Variants in ANKRD36B observed in about 807,000 individuals in gnomAD.
ANKRD36B encodes ankyrin repeat domain-containing protein 36B.
A neutral mutation model predicts 135.7 loss-of-function variants in ANKRD36B; 37 were observed. That is an observed-to-expected ratio of 0.27 (90% CI 0.21 to 0.36). ANKRD36B has a LOEUF of 0.36. Ranked by LOEUF, ANKRD36B falls within the 10% of genes least tolerant of loss-of-function variation. ANKRD36B has a pLI of 1.00. For synonymous variants in ANKRD36B, 179 were observed against 348.1 expected (o/e 0.51, Z 5.41); for missense variants, 549 against 1,037.1 (o/e 0.53, Z 6.46).
intron 10 of ANKRD36B, among the ~76,000 whole-genome samples, chr2:97,558,115 A>G (rs1435380453): frequency 6.6e-6 from 1 of 151,988 alleles, no homozygotes; most frequent in African/African-American, 2.4e-5. Flanking sequence ...TTGAATAACT[A>G]ATATCAACAA....
chr2:97,550,554 T>C (rs11674250), intron 18 of ANKRD36B, among the ~76,000 whole-genome samples: 84,467 of 150,694 alleles, frequency 0.56, 25,129 homozygotes, highest in Non-Finnish European at 0.67. Flanking sequence ...AGGAAGCCAA[T>C]GTGTTCATAT....
intron 32 of ANKRD36B, among the ~76,000 whole-genome samples, chr2:97,537,610 T>C (rs562951663): frequency 1.0e-5 from 1 of 96,560 alleles, no homozygotes; most frequent in African/African-American, 3.1e-5. Context: ...TCTAAATGCA[T>C]GTGAAGTGAG....
intron 10 of ANKRD36B, 124 bp downstream of exon 10, chr2:97,558,675 G>A (rs11692849): frequency 0.47 from 456,634 of 964,908 alleles, 121,386 homozygotes; most frequent in Non-Finnish European, 0.55. Flanking sequence ...TGAGAACTGA[G>A]GAATCTCAGG....
rs766718701 is a variant in ANKRD36B at position 97,558,985 on chromosome 2, T to G, written c.875A>C (p.Gln292Pro). ...AATTACCTTCTCAGCTGGTTGTTTC[T>G]GAGAAGACACTGAAAAGCAAAAGGG... ...EGPISGTVSS[Q>P]KQPAEKATSD... Residue 292 changes from glutamine to proline, a missense_variant, in exon 9 of 44, where the codon CAG becomes CCG. Transcript: ENST00000359901. The G allele has an allele frequency of 5.0e-6, 8 of 1,603,500 alleles. No homozygotes were observed. In the African/African-American group the frequency reaches 1.1e-4, roughly 21 times the overall value.
At chr2:97,566,577 G>C (rs948643072) in intron 6 of ANKRD36B, among the ~76,000 whole-genome samples, 1 of 151,976 alleles carries the variant, frequency 6.6e-6, no homozygotes, top group Non-Finnish European at 1.5e-5. Flanking sequence ...TCAAAATTTG[G>C]TTTATCTTAC....
At position 97,533,180 on chromosome 2, in the gene ANKRD36B, C is replaced by G. The variant is rs1355119714; in HGVS notation, c.2192-796G>C. On this transcript the variant is annotated intron_variant, in intron 34 of 43. Transcript: ENST00000359901. ...GACAGATTTCTTTCATAATTTAAGA[C>G]TCAGACAGCTATGTGAAGTCTTCCT... 3.1e-5 allele frequency among the ~76,000 whole-genome samples: 3 copies of G among 96,978 alleles called. 1 individual carries two copies. Among genetic ancestry groups the G allele is most frequent in the African/African-American group, 9.3e-5 (3 of 32,372 alleles). The allele number at this position is 96,978 out of a possible 152,430, so 63.6% of individuals were successfully genotyped here. A position where few individuals can be genotyped will look rare whatever the true frequency, so the allele number is the denominator to read the frequency against.
intron 3 of ANKRD36B, among the ~76,000 whole-genome samples, chr2:97,583,212 T>C (rs1482990088): frequency 8.8e-6 from 1 of 114,140 alleles, no homozygotes; most frequent in Admixed American, 1.0e-4. Context: ...TTTTTGCTAT[T>C]GTAATTGAGA....
rs1250373855 is a variant in ANKRD36B, at chr2:97,535,856, G to A, written c.2191+444C>T. Among the ~76,000 whole-genome samples the A allele has an allele frequency of 3.2e-5, 3 of 93,078 alleles. No individual in the cohort carries two copies. In the South Asian group the frequency reaches 7.3e-4, roughly 23 times the overall value. The allele number at this position is 93,078 out of a possible 152,430, so 61.1% of individuals were successfully genotyped here. On this transcript the variant is annotated intron_variant, in intron 34 of 43. Coordinates refer to ENST00000359901, the MANE Select transcript of ANKRD36B (RefSeq NM_001393939.1). Reference sequence around the variant, plus strand: ...CGAGGCGGGAGGATCACCTGAGGTCGAGAGCTCAAGACCAGCCTGACCAAC... The same window carrying A: ...CGAGGCGGGAGGATCACCTGAGGTCAAGAGCTCAAGACCAGCCTGACCAAC...
intron 6 of ANKRD36B, among the ~76,000 whole-genome samples, chr2:97,568,169 G>C (rs1276358647): frequency 6.6e-6 from 1 of 151,600 alleles, no homozygotes; most frequent in African/African-American, 2.4e-5. Context: ...AAAAATTATT[G>C]TACACATAGA....
intron 10 of ANKRD36B, 38 bp from the exon 11 acceptor site, chr2:97,557,170 A>T (rs199768812): frequency 9.8e-5 from 146 of 1,497,098 alleles, no homozygotes; most frequent in Non-Finnish European, 1.2e-4. Flanking sequence ...ATCATATGTA[A>T]ATATGACAAA....
At position 97,533,679 on chromosome 2, in the gene ANKRD36B, G is replaced by A. The variant is rs2104472860; in HGVS notation, c.2192-1295C>T. 2.1e-5 allele frequency among the ~76,000 whole-genome samples: 2 copies of A among 94,076 alleles called. 1 individual carries two copies. Among genetic ancestry groups the A allele is most frequent in the South Asian group, 4.9e-4 (2 of 4,112 alleles). The allele number at this position is 94,076 out of a possible 152,430, so 61.7% of individuals were successfully genotyped here. On this transcript the variant is annotated intron_variant, in intron 34 of 43. Coordinates refer to ENST00000359901, the MANE Select transcript of ANKRD36B (RefSeq NM_001393939.1). ...TCATTCCTAGGTAGGCTACTGCTAT[G>A]TCTACATTGCTTGTATCCTGCAGTT...
intron 6 of ANKRD36B, among the ~76,000 whole-genome samples, chr2:97,562,125 C>T (rs1407255755): frequency 6.6e-6 from 1 of 151,806 alleles, no homozygotes; most frequent in Non-Finnish European, 1.5e-5. Context: ...TCCACTTTTG[C>T]AAAAACATAC....
chr2:97,587,241 T>C (rs1409893287), intron 1 of ANKRD36B, among the ~76,000 whole-genome samples: 2 of 152,146 alleles, frequency 1.3e-5, no homozygotes, highest in Non-Finnish European at 2.9e-5. Flanking sequence ...CTTTGCAAGA[T>C]TTATATTTCT....
intron 3 of ANKRD36B, among the ~76,000 whole-genome samples, chr2:97,582,533 T>C (rs553486972): frequency 2.6e-5 from 4 of 152,004 alleles, no homozygotes; most frequent in Non-Finnish European, 5.9e-5. Flanking sequence ...AAACCTGAGA[T>C]AGGCTCAAGG....
chr2:97,580,335 C>T (rs1366714151), intron 4 of ANKRD36B, 127 bp downstream of exon 4: 3 of 793,072 alleles, frequency 3.8e-6, no homozygotes, highest in Non-Finnish European at 5.7e-6. Context: ...GTTGATATTT[C>T]TCACTATATC....
intron 18 of ANKRD36B, among the ~76,000 whole-genome samples, chr2:97,550,871 T>A (rs1009274092): frequency 1.3e-5 from 2 of 151,910 alleles, no homozygotes; most frequent in African/African-American, 4.8e-5. Flanking sequence ...ATCAGGGGTC[T>A]CCTCAGTTCT....
intron 16 of ANKRD36B, among the ~76,000 whole-genome samples, 162 bp downstream of exon 16, chr2:97,553,006 C>G (rs1181633011): frequency 6.6e-6 from 1 of 151,840 alleles, no homozygotes; most frequent in Non-Finnish European, 1.5e-5. Flanking sequence ...GCAGCATTAG[C>G]GTCACCCAAT....
rs1345316425 is a variant in ANKRD36B, at chr2:97,527,889, C to A, written c.2265+4422G>T. Among the ~76,000 whole-genome samples the A allele has an allele frequency of 2.1e-5, 2 of 95,702 alleles. 1 individual carries two copies. Among genetic ancestry groups the A allele is most frequent in the Admixed American group, 1.8e-4 (2 of 10,818 alleles). The allele number at this position is 95,702 out of a possible 152,430, so 62.8% of individuals were successfully genotyped here. A position where few individuals can be genotyped will look rare whatever the true frequency, so the allele number is the denominator to read the frequency against. ...ATATATGCACCCAATACAGGAGCAC[C>A]CAGATTCATAAGGCAAGTCCTGAGT... On this transcript the variant is annotated intron_variant, in intron 35 of 43. Transcript: ENST00000359901.
chr2:97,537,125 C>A lies in ANKRD36B; in HGVS notation c.2090-629G>T, dbSNP rs1324382643. Among the ~76,000 whole-genome samples the A allele has an allele frequency of 7.3e-5, 7 of 96,154 alleles. 3 individuals carry two copies. Among genetic ancestry groups the A allele is most frequent in the Middle Eastern group, 0.01 (2 of 192 alleles). The allele number at this position is 96,154 out of a possible 152,430, so 63.1% of individuals were successfully genotyped here. On this transcript the variant is annotated intron_variant, in intron 32 of 43. Transcript: ENST00000359901. Reference sequence around the variant, plus strand: ...TTCTTATATCCTCTAGTTTAGCCTTCAGAAAGTTTCTTCATCCACTAATGG... The same window carrying A: ...TTCTTATATCCTCTAGTTTAGCCTTAAGAAAGTTTCTTCATCCACTAATGG...
Sources: allele counts gnomAD v4.1 joint callset (sites outside exome capture counted in the v4.1 genomes callset), GRCh38; gene constraint gnomAD v4.1.1; transcripts MANE v1.5; gene names NCBI Gene and HGNC (gene_info 2026-07-23, HGNC 2026-07-21).